The following HADHA variants were observed in gnomAD, a reference collection of about 807,000 sequenced individuals.
HADHA encodes trifunctional enzyme subunit alpha, mitochondrial.
A neutral mutation model predicts 91.3 loss-of-function variants in HADHA; 59 were observed. That is an observed-to-expected ratio of 0.65 (90% CI 0.52 to 0.80). HADHA has a LOEUF of 0.80. Ranked by LOEUF, HADHA falls within the 30% of genes least tolerant of loss-of-function variation. The pLI, the probability that HADHA is intolerant of heterozygous loss-of-function variation, is 0.00. For missense variants in HADHA, 800 were observed against 927.6 expected (o/e 0.86, Z 1.79); for synonymous variants, 320 against 338.9 (o/e 0.94, Z 0.61).
chr2:26,209,599 C>T (rs1357872070), intron 11 of HADHA, among the ~76,000 whole-genome samples, 181 bp downstream of exon 11: 1 of 152,132 alleles, frequency 6.6e-6, no homozygotes, highest in Non-Finnish European at 1.5e-5. Context: ...AAACTCAGAA[C>T]AGGCAGAACT....
chr2:26,220,283 A>C, intron 7 of HADHA, among the ~76,000 whole-genome samples: 1 of 152,216 alleles, frequency 6.6e-6, no homozygotes, highest in East Asian at 1.9e-4. Context: ...ATTGGAGCAG[A>C]CATACTCAGC....
chr2:26,216,976 T>G (rs900737370), intron 7 of HADHA, among the ~76,000 whole-genome samples: 3 of 151,412 alleles, frequency 2.0e-5, no homozygotes, highest in Non-Finnish European at 2.9e-5. Flanking sequence ...GATTCAGAAA[T>G]GAAAAAAATG....
chr2:26,200,760 TCTCG>T (rs1669809901), intron 13 of HADHA, among the ~76,000 whole-genome samples: 2 of 149,300 alleles, frequency 1.3e-5, no homozygotes, highest in South Asian at 4.2e-4. Flanking sequence ...GGAGATGGAG[TCTCG>T]CTCTGTCACC....
At chr2:26,192,053 G>A (rs1024109343) in intron 18 of HADHA, among the ~76,000 whole-genome samples, 2 of 152,180 alleles carry the variant, frequency 1.3e-5, no homozygotes, top group African/African-American at 4.8e-5. Context: ...GCTGGGCAGA[G>A]ACCAAGGAGC....
chr2:26,244,475 C>T, intron 1 of HADHA, 55 bp downstream of exon 1: 1 of 1,533,390 alleles, frequency 6.5e-7, no homozygotes, highest in South Asian at 1.2e-5. Flanking sequence ...GGGGCCACCC[C>T]AGTCCCGGCA....
intron 7 of HADHA, among the ~76,000 whole-genome samples, chr2:26,216,240 T>C (rs542573428): frequency 6.6e-6 from 1 of 151,768 alleles, no homozygotes; most frequent in South Asian, 2.1e-4. Context: ...AGTACTGTGG[T>C]ACTTAGGAAA....
intron 11 of HADHA, among the ~76,000 whole-genome samples, chr2:26,208,608 A>G (rs1160296647): frequency 6.6e-6 from 1 of 152,118 alleles, no homozygotes; most frequent in African/African-American, 2.4e-5. Flanking sequence ...TCTGCCTTCT[A>G]TTTATGCCGT....
chr2:26,241,875 A>G (rs1270271378), intron 1 of HADHA, among the ~76,000 whole-genome samples: 1 of 152,206 alleles, frequency 6.6e-6, no homozygotes, highest in Non-Finnish European at 1.5e-5. Context: ...CTTGTAGAGA[A>G]GGAATGCTTT....
Position 26,238,938 on chromosome 2 carries a change from G to A in HADHA, c.176C>T (p.Ser59Leu). The change falls in exon 3 of 20, where the codon TCA becomes TTA. Residue 59 changes from serine (S) to leucine (L), a missense_variant. Coordinates refer to ENST00000380649, the MANE Select transcript of HADHA (RefSeq NM_000182.5). ...ACTGCAAATTAAATGAGATACCTTT[G>A]AATTGGGAGAGTTAATTCGAACAAC... ...VAVVRINSPNSKVNTLSKELH... is the reference protein window; with the variant it reads ...VAVVRINSPNLKVNTLSKELH... 1 of 1,591,818 alleles carries A rather than the reference G, an allele frequency of 6.3e-7. No homozygotes were observed. The highest frequency in any genetic ancestry group is 8.6e-7 in the Non-Finnish European group (1 of 1,161,126).
rs532463514 is a variant in HADHA at position 26,228,455 on chromosome 2, G to T, written c.676+1737C>A. On this transcript the variant is annotated intron_variant, in intron 7 of 19. Coordinates refer to ENST00000380649, the MANE Select transcript of HADHA (RefSeq NM_000182.5). ...CACGCCCACATAAAGACTTAAAGATGAATGTTCATAGCAGCTTTATTCAGA... is the reference window on the plus strand; with the variant it reads ...CACGCCCACATAAAGACTTAAAGATTAATGTTCATAGCAGCTTTATTCAGA... Among the ~76,000 whole-genome samples the T allele has an allele frequency of 9.9e-5, 15 of 152,184 alleles. No homozygotes were observed. The East Asian group carries it at 2.9e-3, about 29-fold the overall frequency.
chr2:26,224,537 T>C (rs1185624806), intron 7 of HADHA, among the ~76,000 whole-genome samples: 2 of 152,254 alleles, frequency 1.3e-5, no homozygotes, highest in Non-Finnish European at 2.9e-5. Flanking sequence ...GTATCCATAA[T>C]GGTTAACTTT....
chr2:26,216,158 C>G (rs1432984479), intron 7 of HADHA, among the ~76,000 whole-genome samples: 1 of 152,116 alleles, frequency 6.6e-6, no homozygotes, highest in Non-Finnish European at 1.5e-5. Flanking sequence ...AGACACCTAC[C>G]AGGCTCTCAA....
In HADHA at chr2:26,221,884, A is replaced by C. The variant is rs1447915272; in HGVS notation, c.677-6709T>G. 6.6e-6 allele frequency among the ~76,000 whole-genome samples: 1 copy of C among 152,152 alleles called. No individual in the cohort carries two copies. Among genetic ancestry groups the C allele is most frequent in the Admixed American group, 6.5e-5 (1 of 15,288 alleles). On this transcript the variant is annotated intron_variant, in intron 7 of 19. Coordinates refer to ENST00000380649, the MANE Select transcript of HADHA (RefSeq NM_000182.5). This position sits in a 1 kb window ranked among gnomAD's most constrained non-coding sequence, Gnocchi z 4.8. ...GTTGTTCATTTTGTCTAGAAAGAAA[A>C]ATGGCCTGAGCTAAGGGTCTACTCT... is the stretch of plus-strand genomic sequence containing the variant.
rs1237665620 is a variant in HADHA, at chr2:26,214,959, T to C, written c.799+94A>G. 3.6e-6 allele frequency: 4 copies of C among 1,104,006 alleles called. No individual in the cohort carries two copies. The Admixed American group carries it at 6.7e-5, about 19-fold the overall frequency. The allele number at this position is 1,104,006 out of a possible 1,614,324, so 68.4% of individuals were successfully genotyped here. A position where few individuals can be genotyped will look rare whatever the true frequency, so the allele number is the denominator to read the frequency against. ...CTGACTTTATGCTTTGAGTAAATAA[T>C]GCATTTACCACTTCCTCATTTTGAA... On this transcript the variant is annotated intron_variant, in intron 8 of 19. Transcript: ENST00000380649. The surrounding 1 kb of genome is among the most constrained non-coding windows in gnomAD (Gnocchi z 4.1).
At chr2:26,218,696 C>CA (rs1464445287) in intron 7 of HADHA, among the ~76,000 whole-genome samples, 1 of 152,018 alleles carries the variant, frequency 6.6e-6, no homozygotes, top group Non-Finnish European at 1.5e-5. Context: ...AAGGTTCTGA[C>CA]ACCACAGGAA....
intron 4 of HADHA, among the ~76,000 whole-genome samples, chr2:26,236,359 G>GTGTA (rs141555532): frequency 0.011 from 1,452 of 137,920 alleles, 16 homozygotes; most frequent in Non-Finnish European, 0.016. Flanking sequence ...GTGTGTGTGT[G>GTGTA]TATATATATA....
chr2:26,224,391 A>C (rs1670441114), intron 7 of HADHA, among the ~76,000 whole-genome samples: 1 of 152,234 alleles, frequency 6.6e-6, no homozygotes, highest in Admixed American at 6.5e-5. Flanking sequence ...TGATCTGGAA[A>C]TATTATAAAT....
In HADHA at chr2:26,214,822, A is replaced by C. The variant is rs938990339; in HGVS notation, c.799+231T>G. The stretch of plus-strand genomic sequence containing the variant: ...TGTGTTCATGCTTAACATTTTCTAA[A>C]ATGAAAAGTTTTCTATGACTCAAGG... On this transcript the variant is annotated intron_variant, in intron 8 of 19. Coordinates refer to ENST00000380649, the MANE Select transcript of HADHA (RefSeq NM_000182.5). This position sits in a 1 kb window ranked among gnomAD's most constrained non-coding sequence, Gnocchi z 4.1. Among the ~76,000 whole-genome samples the C allele has an allele frequency of 9.2e-5, 14 of 152,186 alleles. No homozygotes were observed. The highest frequency in any genetic ancestry group is 3.4e-4 in the African/African-American group (14 of 41,440).
At position 26,191,234 on chromosome 2, in the gene HADHA, G is replaced by A. The variant is rs763666520; in HGVS notation, c.*16C>T. 41 of 1,610,876 alleles carry A rather than the reference G, an allele frequency of 2.5e-5. No homozygotes were observed. The highest frequency in any genetic ancestry group is 1.2e-4 in the Admixed American group (7 of 60,012). On this transcript the variant is annotated 3_prime_UTR_variant, in exon 20 of 20. Coordinates refer to ENST00000380649, the MANE Select transcript of HADHA (RefSeq NM_000182.5). ...GCTGGGGTTAGTGCACTGACTGAGC[G>A]AGGCATGAGGCCTGCTCACTGGTAG...
Sources: gnomAD v4.1 joint callset for allele counts (sites outside exome capture counted in the v4.1 genomes callset) on GRCh38, gnomAD v4.1.1 for gene constraint, Gnocchi (gnomAD v3.1) non-coding constraint, MANE v1.5 for transcripts, NCBI Gene and HGNC (gene_info 2026-07-23, HGNC 2026-07-21) for gene names.